Variants in ANO9 observed in about 807,000 individuals in gnomAD.
ANO9 encodes anoctamin 9, also known as anoctamin-9.
ANO9 carries 80 observed loss-of-function variants against 100.5 expected under a neutral mutation model. The ratio of observed to expected loss-of-function variants is 0.80; its 90% CI spans 0.66 to 0.96. The LOEUF (loss-of-function observed/expected upper bound fraction) is 0.96. Ranked by LOEUF, ANO9 falls within the 40% of genes least tolerant of loss-of-function variation. The pLI is 0.00. For synonymous variants in ANO9, 473 were observed against 435.6 expected, an observed-to-expected ratio of 1.09 and a Z score of -1.07; for missense variants, 1,064 against 1,072.7, an observed-to-expected ratio of 0.99 and a Z score of 0.11.
chr11:419,219 G>C (rs547785181), intron 20 of ANO9: 1 of 1,427,680 alleles, frequency 7.0e-7, no homozygotes, highest in South Asian at 1.5e-5. Flanking sequence ...GCCAGAGACT[G>C]GCCCTGGGGA....
chr11:439,106 C>A (rs1845628827), intron 1 of ANO9, among the ~76,000 whole-genome samples: 1 of 152,232 alleles, frequency 6.6e-6, no homozygotes. Flanking sequence ...CCCAGGTCAC[C>A]TCAGCGACGT....
In ANO9 at chr11:430,369, C is replaced by G. The variant is rs377188275; in HGVS notation, c.574G>C (p.Val192Leu). The G allele has an allele frequency of 1.9e-6, 3 of 1,605,542 alleles. No individual in the cohort carries two copies. The highest frequency in any genetic ancestry group is 2.5e-6 in the Non-Finnish European group (3 of 1,178,226). ...ATGTAGGTGTACCAGCCCAGCCAGACGAAGTACAGGGCCACCTTTTCCCCA... is the reference window on the plus strand; with the variant it reads ...ATGTAGGTGTACCAGCCCAGCCAGAGGAAGTACAGGGCCACCTTTTCCCCA... ...YFGEKVALYF[V>L]WLGWYTYMLV... Residue 192 changes from valine to leucine, a missense_variant, in exon 8 of 23, where the codon GTC becomes CTC. Val to Leu is a conservative substitution (Grantham distance 32, BLOSUM62 1). Coordinates refer to ENST00000332826, the MANE Select transcript of ANO9 (RefSeq NM_001012302.3).
rs905708021 is a variant in ANO9, at chr11:434,096, G to A, written c.9C>T (p.Gly3=). The change falls in exon 2 of 23, where the codon GGC becomes GGT. Residue 3 remains glycine, a splice_region_variant and synonymous_variant. Coordinates refer to ENST00000332826, the MANE Select transcript of ANO9 (RefSeq NM_001012302.3). MQ[G]EESLRILVEP... Reference sequence around the variant, plus strand: ...CCACCAGGATCCGGAGGCTCTCTTCGCCCTGGGGGTTTGGGGGCAGAGAAA... The same window carrying A: ...CCACCAGGATCCGGAGGCTCTCTTCACCCTGGGGGTTTGGGGGCAGAGAAA... 1.7e-5 allele frequency: 26 copies of A among 1,550,126 alleles called. No individual in the cohort carries two copies. The African/African-American group carries it at 1.8e-4, about 11-fold the overall frequency.
intron 15 of ANO9, among the ~76,000 whole-genome samples, chr11:423,604 C>T (rs1400733433): frequency 6.6e-6 from 1 of 151,944 alleles, no homozygotes; most frequent in Non-Finnish European, 1.5e-5. Context: ...ACCTCCCAGG[C>T]TCCAGCGATC....
chr11:433,515 C>T, intron 3 of ANO9, 56 bp from the exon 4 acceptor site: 4 of 1,601,028 alleles, frequency 2.5e-6, no homozygotes, highest in Non-Finnish European at 3.4e-6. Flanking sequence ...CTCTATCCCG[C>T]CTCAGAACCC....
intron 1 of ANO9, among the ~76,000 whole-genome samples, chr11:439,794 T>A (rs1269281491): frequency 6.9e-6 from 1 of 144,058 alleles, no homozygotes; most frequent in Non-Finnish European, 1.5e-5. Flanking sequence ...CCTCCCCAGC[T>A]GGCTCTGCGC....
chr11:427,442 C>CT (rs1267190208), intron 15 of ANO9, among the ~76,000 whole-genome samples: 2 of 152,064 alleles, frequency 1.3e-5, no homozygotes, highest in Admixed American at 6.6e-5. Context: ...CCATATGCAC[C>CT]TTTTTTTGGC....
At chr11:441,784 G>C in intron 1 of ANO9, 137 bp downstream of exon 1, 1 of 1,347,704 alleles carries the variant, frequency 7.4e-7, no homozygotes, top group Non-Finnish European at 9.8e-7. Context: ...TCGCCTGACC[G>C]GGCAGCCTGC....
At chr11:423,128 AG>A (rs1481526490) in intron 15 of ANO9, among the ~76,000 whole-genome samples, 2 of 152,200 alleles carry the variant, frequency 1.3e-5, no homozygotes. Context: ...ACACCCAGCT[AG>A]TCTCACAGAA....
intron 22 of ANO9, 46 bp downstream of exon 22, chr11:418,674 A>C (rs780938923): frequency 6.2e-7 from 1 of 1,610,672 alleles, no homozygotes; most frequent in South Asian, 1.1e-5. Context: ...GACTGGGGAG[A>C]GCACTGCCCA....
intron 1 of ANO9, among the ~76,000 whole-genome samples, chr11:434,483 C>T (rs920735620): frequency 5.9e-5 from 9 of 152,196 alleles, no homozygotes; most frequent in South Asian, 2.1e-4. Context: ...AAGCCACAGG[C>T]GCCCCTGCAC....
chr11:421,297 GGCGGGGCAGGCCCTGCAGGTGA>G lies in ANO9; in HGVS notation c.1335-121_1335-100del. 7.7e-7 allele frequency: 1 copy of G among 1,293,950 alleles called. No homozygotes were observed. Among genetic ancestry groups the G allele is most frequent in the Non-Finnish European group, 1.0e-6 (1 of 973,712 alleles). The allele number at this position is 1,293,950 out of a possible 1,614,324, so 80.2% of individuals were successfully genotyped here. On this transcript the variant is annotated intron_variant, in intron 15 of 22. Transcript: ENST00000332826. This position sits in a 1 kb window ranked among gnomAD's most constrained non-coding sequence, Gnocchi z 6.8. Reference sequence around the variant, plus strand: ...AAGCGGGTAGGAAAGACACAGAACAGGCGGGGCAGGCCCTGCAGGTGAGCGGGGCACAGGTGCTCACACCCAG... The same window carrying G: ...AAGCGGGTAGGAAAGACACAGAACAGGCGGGGCACAGGTGCTCACACCCAG...
intron 1 of ANO9, among the ~76,000 whole-genome samples, chr11:436,099 C>T (rs945602429): frequency 4.9e-5 from 6 of 122,186 alleles, no homozygotes; most frequent in Admixed American, 9.8e-5. Flanking sequence ...CAGAGTTTTC[C>T]TCGTGATGCC....
chr11:422,495 G>A lies in ANO9; in HGVS notation c.1335-1297C>T, dbSNP rs756442978. ...AAGGGTCCCTCTGTGGGGACAGGGA[G>A]CAGCTGGGAGCTGGCCTGACTCAGA... On this transcript the variant is annotated intron_variant, in intron 15 of 22. Transcript: ENST00000332826. This position sits in a 1 kb window ranked among gnomAD's most constrained non-coding sequence, Gnocchi z 4.3. Among the ~76,000 whole-genome samples, 3 of 152,218 alleles carry A rather than the reference G, an allele frequency of 2.0e-5. No individual in the cohort carries two copies. The highest frequency in any genetic ancestry group is 4.8e-5 in the African/African-American group (2 of 41,450).
chr11:433,081 C>T (rs1393715464), intron 4 of ANO9: 4 of 545,360 alleles, frequency 7.3e-6, no homozygotes, highest in East Asian at 6.7e-5. Flanking sequence ...GGCAGCCACA[C>T]GGAGCCCTCA....
At position 428,583 on chromosome 11, in the gene ANO9, G is replaced by C. The variant is rs115389769; in HGVS notation, c.1077C>G (p.Ser359=). The C allele has an allele frequency of 6.2e-7, 1 of 1,612,548 alleles. No homozygotes were observed. Among genetic ancestry groups the C allele is most frequent in the Non-Finnish European group, 8.5e-7 (1 of 1,179,920 alleles). ...GCACGGCCGAGCTGCTGAAGAGCGC[G>C]GAGGCCAGGACGCGGTAGACCACCA... is the stretch of plus-strand genomic sequence containing the variant. ...HVLVVYRVLA[S]ALFSSSAVPF... The change falls in exon 13 of 23, where the codon TCC becomes TCG. Residue 359 remains serine (S), a synonymous_variant. Transcript: ENST00000332826.
Position 418,450 on chromosome 11 carries a change from A to G in ANO9, c.2270T>C (p.Val757Ala), listed in dbSNP as rs1323228651. ...MWHGRQRLGGVGAGSRPPMPA... is the reference protein window; with the variant it reads ...MWHGRQRLGGAGAGSRPPMPA... ...CATTGGGGGCCGAGAGCCTGCCCCC[A>G]CCCCACCCAGCCTCTGCCTTCCATG... The change falls in exon 23 of 23, where the codon GTG becomes GCG. Residue 757 changes from valine (V) to alanine (A), a missense_variant. Val to Ala is a moderately conservative substitution (Grantham distance 64). Transcript: ENST00000332826. 6.2e-7 allele frequency: 1 copy of G among 1,612,486 alleles called. No homozygotes were observed.
At chr11:435,501 ATAGTCTAGTCTAGTCTAGTATGGTC>A (rs1304594839) in intron 1 of ANO9, among the ~76,000 whole-genome samples, 1 of 129,778 alleles carries the variant, frequency 7.7e-6, no homozygotes, top group Non-Finnish European at 1.6e-5. Flanking sequence ...ATAGTCTAGT[ATAGTCTAGTCTAGTCTAGTATGGTC>A]TAGTCTAGTC....
Position 420,716 on chromosome 11 carries a change from A to T in ANO9, c.1633+2T>A, listed in dbSNP as rs1412479149. The T allele has an allele frequency of 6.2e-7, 1 of 1,607,268 alleles. No homozygotes were observed. Among genetic ancestry groups the T allele is most frequent in the East Asian group, 2.2e-5 (1 of 44,734 alleles). On this transcript the variant is annotated splice_donor_variant, in intron 18 of 22. Coordinates refer to ENST00000332826, the MANE Select transcript of ANO9 (RefSeq NM_001012302.3). LOFTEE classifies it high-confidence loss of function. ...AACCCCCGCCCCGCAGCGCCCACGC[A>T]CTCATCTCCATGAACTCGTCGAACA...
Sources: allele counts gnomAD v4.1 joint callset (sites outside exome capture counted in the v4.1 genomes callset), GRCh38; gene constraint gnomAD v4.1.1; non-coding constraint Gnocchi (gnomAD v3.1); transcripts MANE v1.5; gene names NCBI Gene and HGNC (gene_info 2026-07-23, HGNC 2026-07-21).